RBFOX1: variants seen among roughly 807,000 people sequenced by gnomAD.
RBFOX1 encodes the protein RNA binding protein fox-1 homolog 1.
A neutral mutation model predicts 57.7 loss-of-function variants in RBFOX1; 8 were observed. That is an observed-to-expected ratio of 0.14 (90% CI 0.08 to 0.25). The LOEUF (loss-of-function observed/expected upper bound fraction) is 0.25, where lower values mean the gene tolerates loss of function less well. RBFOX1 is among the 10% of genes least tolerant of loss of function. The pLI is 1.00. For missense variants in RBFOX1, 611 were observed against 548.5 expected (o/e 1.11, Z -1.14); for synonymous variants, 326 against 222.4 (o/e 1.47, Z -4.15).
At chr16:7,275,682 C>G (rs4354959) in intron 4 of RBFOX1, among the ~76,000 whole-genome samples, 2 of 152,014 alleles carry the variant, frequency 1.3e-5, no homozygotes, top group Admixed American at 1.3e-4. Context: ...TCTGGACACA[C>G]TCTCTCCCAG....
intron 3 of RBFOX1, among the ~76,000 whole-genome samples, chr16:6,948,788 G>A (rs918578470): frequency 2.0e-5 from 3 of 152,092 alleles, no homozygotes; most frequent in Non-Finnish European, 2.9e-5. Context: ...AAGAGGAAGC[G>A]TCTTTTCTGA....
chr16:6,759,473 CTGTGTGTGTGTGTGTGTGTGTG>C (rs71145287), intron 3 of RBFOX1, among the ~76,000 whole-genome samples: 35 of 143,188 alleles, frequency 2.4e-4, no homozygotes, highest in Admixed American at 1.4e-3. Context: ...TGTCAGTTGT[CTGTGTGTGTGTGTGTGTGTGTG>C]TGTGTGTGTG....
chr16:6,407,871 A>C (rs1419966429), intron 2 of RBFOX1, among the ~76,000 whole-genome samples: 1 of 152,096 alleles, frequency 6.6e-6, no homozygotes, highest in African/African-American at 2.4e-5. Flanking sequence ...GTAGATCCCC[A>C]CTATGTTCTG....
chr16:6,506,550 C>G (rs1479880027), intron 2 of RBFOX1, among the ~76,000 whole-genome samples: 4 of 150,800 alleles, frequency 2.7e-5, no homozygotes, highest in East Asian at 3.9e-4. Context: ...CATCTATGGA[C>G]CCACAGTGTA....
intron 4 of RBFOX1, among the ~76,000 whole-genome samples, chr16:7,493,908 G>A (rs530571079): frequency 6.6e-6 from 1 of 152,134 alleles, no homozygotes; most frequent in African/African-American, 2.4e-5. Flanking sequence ...GTAGGTGCTT[G>A]GTTTTAGTTT....
chr16:7,039,198 A>C (rs2045422132), intron 3 of RBFOX1, among the ~76,000 whole-genome samples: 1 of 152,196 alleles, frequency 6.6e-6, no homozygotes, highest in African/African-American at 2.4e-5. Flanking sequence ...AATATGTTAG[A>C]GCTTTCAGCA....
intron 3 of RBFOX1, among the ~76,000 whole-genome samples, chr16:7,014,558 C>A (rs528569683): frequency 3.5e-4 from 53 of 152,150 alleles, no homozygotes; most frequent in African/African-American, 1.1e-3. Context: ...AGGAGTGAGA[C>A]ACTGCACCCC....
intron 3 of RBFOX1, among the ~76,000 whole-genome samples, chr16:6,847,089 G>T (rs1221569524): frequency 6.6e-6 from 1 of 152,102 alleles, no homozygotes; most frequent in East Asian, 1.9e-4. Context: ...CCTTCCCAGA[G>T]AACTTTATCT....
Position 7,057,576 on chromosome 16 carries a change from T to C in RBFOX1, c.27+5478T>C, listed in dbSNP as rs150810157. Among the ~76,000 whole-genome samples, 9 of 152,316 alleles carry C rather than the reference T, an allele frequency of 5.9e-5. 1 individual carries two copies. In the East Asian group the frequency reaches 1.7e-3, roughly 29 times the overall value. ...TTCCTGGAAAAGGAGCCTGATTGGC[T>C]TAGTCTGGATCAGTTGTTCACTCTG... is the stretch of plus-strand genomic sequence containing the variant. On this transcript the variant is annotated intron_variant, in intron 4 of 15. Coordinates refer to ENST00000550418, the MANE Select transcript of RBFOX1 (RefSeq NM_018723.4).
intron 5 of RBFOX1, among the ~76,000 whole-genome samples, chr16:7,545,764 G>T (rs899980306): frequency 6.6e-6 from 1 of 152,092 alleles, no homozygotes; most frequent in South Asian, 2.1e-4. Context: ...CTGGGTCCCA[G>T]GAGCTAGAAA....
chr16:7,659,903 T>G (rs2067263872), intron 12 of RBFOX1, among the ~76,000 whole-genome samples: 1 of 152,154 alleles, frequency 6.6e-6, no homozygotes, highest in African/African-American at 2.4e-5. Context: ...AAAAATTCTC[T>G]AGGAAAATAC....
At chr16:6,370,858 AT>A (rs2152892380) in intron 2 of RBFOX1, among the ~76,000 whole-genome samples, 1 of 152,312 alleles carries the variant, frequency 6.6e-6, no homozygotes, top group East Asian at 1.9e-4. Flanking sequence ...TTTTGCTACA[AT>A]TTTTTACAAG....
intron 3 of RBFOX1, among the ~76,000 whole-genome samples, chr16:5,776,389 C>G (rs943704595): frequency 1.3e-5 from 2 of 152,160 alleles, no homozygotes; most frequent in African/African-American, 2.4e-5. Flanking sequence ...CAGCATGAGA[C>G]CACGGCCACC....
At chr16:6,842,640 T>C (rs1291724698) in intron 3 of RBFOX1, among the ~76,000 whole-genome samples, 1 of 138,542 alleles carries the variant, frequency 7.2e-6, no homozygotes, top group Non-Finnish European at 1.5e-5. Flanking sequence ...CTGTTTTTTT[T>C]AAATCTATTT....
chr16:5,809,652 A>G (rs1055174738), intron 3 of RBFOX1, among the ~76,000 whole-genome samples: 5 of 152,190 alleles, frequency 3.3e-5, no homozygotes, highest in African/African-American at 1.2e-4. Context: ...TTTGAATGGC[A>G]ATCATTAAAA....
intron 3 of RBFOX1, among the ~76,000 whole-genome samples, chr16:6,814,250 T>C (rs7204767): frequency 1.4e-5 from 2 of 146,238 alleles, no homozygotes; most frequent in African/African-American, 5.0e-5. Context: ...AAAATTGTGG[T>C]GGGGGGGAGG....
At chr16:6,277,418 C>T (rs1242366647) in intron 1 of RBFOX1, among the ~76,000 whole-genome samples, 2 of 142,872 alleles carry the variant, frequency 1.4e-5, no homozygotes, top group African/African-American at 2.7e-5. Flanking sequence ...GATCGCAGCG[C>T]TGCACCCCAG....
chr16:7,689,160 C>T (rs2076785783), intron 14 of RBFOX1, among the ~76,000 whole-genome samples: 1 of 152,044 alleles, frequency 6.6e-6, no homozygotes, highest in Non-Finnish European at 1.5e-5. Context: ...TCATAAGTGC[C>T]CCATCAGTGT....
rs561647418 is a variant in RBFOX1, at chr16:6,803,573, T to G, written c.-16+148923T>G. 6.6e-5 allele frequency among the ~76,000 whole-genome samples: 10 copies of G among 152,306 alleles called. 1 individual carries two copies. In the East Asian group the frequency reaches 1.2e-3, roughly 18 times the overall value. On this transcript the variant is annotated intron_variant, in intron 3 of 15. Transcript: ENST00000550418. ...AACAAAAATCAGCCTTCTTAAATTA[T>G]GTATGGTGGTAAAATAAAGTAACTG...
Sources: allele counts gnomAD v4.1 joint callset (sites outside exome capture counted in the v4.1 genomes callset), GRCh38; gene constraint gnomAD v4.1.1; transcripts MANE v1.5; gene names NCBI Gene and HGNC (gene_info 2026-07-23, HGNC 2026-07-21).